Variants in EFL1 observed in about 807,000 individuals in gnomAD.
EFL1 encodes the protein elongation factor like GTPase 1, also known as elongation factor-like GTPase 1.
Under a neutral mutation model 126.7 loss-of-function variants are expected in EFL1, and 76 were observed. That is an observed-to-expected ratio of 0.60 (90% confidence interval 0.50 to 0.73). The LOEUF is 0.73. Ranked by LOEUF, EFL1 falls within the 30% of genes least tolerant of loss-of-function variation. The pLI is 0.00. For synonymous variants in EFL1, 410 were observed against 448.4 expected (o/e 0.91, Z 1.08); for missense variants, 1,128 against 1,343.2 (o/e 0.84, Z 2.50).
At chr15:82,154,274 T>C (rs1387279023) in intron 17 of EFL1, among the ~76,000 whole-genome samples, 1 of 152,224 alleles carries the variant, frequency 6.6e-6, no homozygotes, top group East Asian at 1.9e-4. Flanking sequence ...CAATTTCCTG[T>C]GGCTTCCTGC....
intron 16 of EFL1, among the ~76,000 whole-genome samples, chr15:82,158,935 A>G (rs913510257): frequency 6.6e-6 from 1 of 152,238 alleles, no homozygotes; most frequent in Non-Finnish European, 1.5e-5. Flanking sequence ...CTTGTGTTCA[A>G]GGTCCCAGAC....
At chr15:82,134,059 G>A (rs147971535) in intron 19 of EFL1, among the ~76,000 whole-genome samples, 45 of 152,188 alleles carry the variant, frequency 3.0e-4, no homozygotes, top group African/African-American at 2.6e-4. Flanking sequence ...AGCTTATTTC[G>A]AACCATTTAT....
chr15:82,178,289 GCT>G (rs1485906865), intron 15 of EFL1, among the ~76,000 whole-genome samples: 2 of 152,118 alleles, frequency 1.3e-5, no homozygotes, highest in Non-Finnish European at 2.9e-5. Context: ...AATCACACTG[GCT>G]CTCTGTCCAC....
In EFL1 at chr15:82,228,219, C is replaced by A; in HGVS notation, c.1041G>T (p.Gln347His). The change falls in exon 10 of 20, where the codon CAG becomes CAT. Residue 347 changes from glutamine (Q) to histidine (H), a missense_variant. Around this residue, in one of 6 missense-constraint regions of EFL1, gnomAD observed 316 missense variants for 318.5 expected, o/e 0.99. Transcript: ENST00000268206. ...PKVQINAICS[Q>H]WLPISHAVLA... ...GAACAGCATGGGATATGGGTAGCCA[C>A]TGACTGCAAATGGCGTTGATCTGAA... 1 of 1,613,766 alleles carries A rather than the reference C, an allele frequency of 6.2e-7. No individual in the cohort carries two copies. Among genetic ancestry groups the A allele is most frequent in the Non-Finnish European group, 8.5e-7 (1 of 1,179,900 alleles).
Position 82,225,159 on chromosome 15 carries a change from C to T in EFL1, c.1292+6G>A, listed in dbSNP as rs2074749500. The stretch of plus-strand genomic sequence containing the variant: ...TAGCCCAGCCCAACTTTCCCCTTTC[C>T]CTTACCTTGGCTTATTCTGAGGCAA... On this transcript the variant is annotated splice_donor_region_variant and intron_variant, in intron 12 of 19. Transcript: ENST00000268206. 1 of 1,599,774 alleles carries T rather than the reference C, an allele frequency of 6.3e-7. No individual in the cohort carries two copies. The highest frequency in any genetic ancestry group is 1.1e-5 in the South Asian group (1 of 88,402).
intron 12 of EFL1, among the ~76,000 whole-genome samples, chr15:82,220,554 T>G (rs1461740417): frequency 2.0e-5 from 3 of 152,194 alleles, no homozygotes; most frequent in Non-Finnish European, 2.9e-5. Flanking sequence ...AGGGAAACAG[T>G]GACAGATACT....
intron 16 of EFL1, 53 bp downstream of exon 16, chr15:82,163,800 A>C: frequency 6.3e-7 from 1 of 1,589,582 alleles, no homozygotes. Context: ...AAATACATGC[A>C]TATGCTTTAA....
rs2075034431 is a variant in EFL1, at chr15:82,252,792, T to C, written c.160-17A>G. 7.2e-7 allele frequency: 1 copy of C among 1,382,524 alleles called. No homozygotes were observed. Among genetic ancestry groups the C allele is most frequent in the Non-Finnish European group, 1.0e-6 (1 of 975,534 alleles). The allele number at this position is 1,382,524 out of a possible 1,614,324, so 85.6% of individuals were successfully genotyped here. On this transcript the variant is annotated splice_polypyrimidine_tract_variant and intron_variant, in intron 3 of 19. Coordinates refer to ENST00000268206, the MANE Select transcript of EFL1 (RefSeq NM_024580.6). ...GTACCTTAACTGGAAAAATGCAACA[T>C]ATGCATCTTCACTTCCCAAAGAATT...
chr15:82,152,032 C>G lies in EFL1; in HGVS notation c.2422G>C (p.Glu808Gln). ...CATCTTCTCCCTGTTAGGTGTTGCT[C>G]CAGTTTTCCTTTGAATTCCCAAATT... ...EKIWEFKGKL[E>Q]QHLTGRRWRN... Residue 808 changes from glutamate (E) to glutamine (Q), a missense_variant, in exon 18 of 20, where the codon GAG becomes CAG. Glu to Gln is a conservative substitution (Grantham distance 29, BLOSUM62 2). This residue lies in a region of EFL1 where 561 missense variants were observed against 641.7 expected (regional missense o/e 0.87). Coordinates refer to ENST00000268206, the MANE Select transcript of EFL1 (RefSeq NM_024580.6). 1 of 1,614,106 alleles carries G rather than the reference C, an allele frequency of 6.2e-7. No individual in the cohort carries two copies. The highest frequency in any genetic ancestry group is 1.6e-4 in the Middle Eastern group (1 of 6,062).
chr15:82,196,201 C>T (rs1166456887), intron 15 of EFL1, among the ~76,000 whole-genome samples: 1 of 152,184 alleles, frequency 6.6e-6, no homozygotes, highest in African/African-American at 2.4e-5. Flanking sequence ...CAGCTTCTCT[C>T]TTCCTTTTGA....
In EFL1 at chr15:82,252,727, T is replaced by C. The variant is rs746154488; in HGVS notation, c.208A>G (p.Met70Val). Residue 70 changes from methionine (M) to valine (V), a missense_variant, in exon 4 of 20, where the codon ATG (methionine) becomes GTG (valine). Met to Val is a conservative substitution (Grantham distance 21, BLOSUM62 1). Transcript: ENST00000268206. ...TGTAGGGAAATGGCACTGGATTTCA[T>C]AGTGATCCCTCGGATCTGTTCATCT... ...REDEQIRGIT[M>V]KSSAISLHYA... 15 of 1,613,446 alleles carry C rather than the reference T, an allele frequency of 9.3e-6. No homozygotes were observed. Among genetic ancestry groups the C allele is most frequent in the African/African-American group, 2.7e-5 (2 of 74,938 alleles).
At chr15:82,152,755 T>C (rs1263858365) in intron 17 of EFL1, among the ~76,000 whole-genome samples, 2 of 152,116 alleles carry the variant, frequency 1.3e-5, no homozygotes, top group Non-Finnish European at 2.9e-5. Flanking sequence ...ATATGAAATA[T>C]GAATGCTTTA....
rs759321677 is a variant in EFL1 at position 82,151,464 on chromosome 15, C to T, written c.2989+1G>A. On this transcript the variant is annotated splice_donor_variant, in intron 18 of 19. Transcript: ENST00000268206. LOFTEE classifies it high-confidence loss of function. Reference sequence around the variant, plus strand: ...CACTATCTTTACCTTTTCTTCCTTACCGAGAACATCACCAGTGGCCATGAT... The same window carrying T: ...CACTATCTTTACCTTTTCTTCCTTATCGAGAACATCACCAGTGGCCATGAT... 4.4e-6 allele frequency: 7 copies of T among 1,602,366 alleles called. No homozygotes were observed. The highest frequency in any genetic ancestry group is 5.1e-6 in the Non-Finnish European group (6 of 1,175,184).
intron 12 of EFL1, among the ~76,000 whole-genome samples, chr15:82,221,595 G>C (rs2074712913): frequency 6.6e-6 from 1 of 152,130 alleles, no homozygotes; most frequent in Admixed American, 6.6e-5. Flanking sequence ...AATGAGTTTA[G>C]TTCCAAGAGT....
At chr15:82,187,352 T>C (rs1356897545) in intron 15 of EFL1, among the ~76,000 whole-genome samples, 1 of 152,242 alleles carries the variant, frequency 6.6e-6, no homozygotes, top group Non-Finnish European at 1.5e-5. Context: ...TGCTCTACTC[T>C]GTAACTGCAA....
chr15:82,244,848 G>A (rs752746413), intron 4 of EFL1, among the ~76,000 whole-genome samples: 18 of 152,074 alleles, frequency 1.2e-4, no homozygotes, highest in Non-Finnish European at 2.2e-4. Context: ...CAAAACACTG[G>A]AAATGCTCAC....
chr15:82,156,530 G>T (rs956795111), intron 17 of EFL1, among the ~76,000 whole-genome samples: 1 of 152,046 alleles, frequency 6.6e-6, no homozygotes, highest in African/African-American at 2.4e-5. Context: ...TGATCTGCCC[G>T]CCCTGGCCTC....
At chr15:82,252,854 G>A in intron 3 of EFL1, 79 bp from the exon 4 acceptor site, 3 of 927,972 alleles carry the variant, frequency 3.2e-6, no homozygotes, top group East Asian at 2.7e-5. Flanking sequence ...TTAGATTTTT[G>A]TTTTAAATAC....
intron 3 of EFL1, among the ~76,000 whole-genome samples, chr15:82,255,499 T>C (rs2075058920): frequency 6.6e-6 from 1 of 152,238 alleles, no homozygotes; most frequent in Non-Finnish European, 1.5e-5. Flanking sequence ...GAATATGTAC[T>C]TAATTTTAAG....
Sources: gnomAD v4.1 joint callset for allele counts (sites outside exome capture counted in the v4.1 genomes callset) on GRCh38, gnomAD v4.1.1 for gene constraint, gnomAD v4.1.1 regional missense constraint, MANE v1.5 for transcripts, NCBI Gene and HGNC (gene_info 2026-07-23, HGNC 2026-07-21) for gene names.